Variants in RAB3B observed in about 807,000 individuals in gnomAD.
The protein encoded by RAB3B is RAB3B, member RAS oncogene family.
RAB3B carries 11 observed loss-of-function variants against 20.5 expected under a neutral mutation model. That is an observed-to-expected ratio of 0.54 (90% CI 0.34 to 0.89). The LOEUF (loss-of-function observed/expected upper bound fraction) is 0.89, where lower values mean the gene tolerates loss of function less well. Ranked by LOEUF, RAB3B falls within the 40% of genes least tolerant of loss-of-function variation. RAB3B has a pLI of 0.02. For missense variants in RAB3B, 225 were observed against 280.9 expected, an observed-to-expected ratio of 0.80 and a Z score of 1.42; for synonymous variants, 99 against 106.3, an observed-to-expected ratio of 0.93 and a Z score of 0.42.
At chr1:51,925,064 T>C (rs531270104) in intron 4 of RAB3B, among the ~76,000 whole-genome samples, 3 of 152,308 alleles carry the variant, frequency 2.0e-5, no homozygotes, top group Admixed American at 6.5e-5. Context: ...CACAGACCCA[T>C]AGACTGCATC....
intron 1 of RAB3B, among the ~76,000 whole-genome samples, chr1:51,989,503 C>G (rs563950750): frequency 3.3e-5 from 5 of 152,036 alleles, no homozygotes; most frequent in Admixed American, 3.3e-4. Context: ...CACTCCAGCC[C>G]CCATTACCTT....
intron 4 of RAB3B, among the ~76,000 whole-genome samples, chr1:51,921,589 A>C (rs1684172840): frequency 6.6e-6 from 1 of 151,640 alleles, no homozygotes. Flanking sequence ...CTTTAATCCG[A>C]CTAACAGTAT....
Position 51,918,431 on chromosome 1 carries a change from G to A in RAB3B, c.*1496C>T, listed in dbSNP as rs1489197366. 1.3e-5 allele frequency: 2 copies of A among 152,242 alleles called. No individual in the cohort carries two copies. Among genetic ancestry groups the A allele is most frequent in the African/African-American group, 4.8e-5 (2 of 41,452 alleles). 9.4% of individuals were successfully genotyped at this position (152,242 alleles called of 1,614,324 possible). ...GACCTAGAGAAAAGGCAAGTCCCAG[G>A]AGTCATGATTCCTGTTCTCAAATAG... On this transcript the variant is annotated 3_prime_UTR_variant, in exon 5 of 5. Coordinates refer to ENST00000371655, the MANE Select transcript of RAB3B (RefSeq NM_002867.4).
intron 3 of RAB3B, among the ~76,000 whole-genome samples, chr1:51,936,841 T>C (rs1684411102): frequency 6.6e-6 from 1 of 151,184 alleles, no homozygotes; most frequent in African/African-American, 2.4e-5. Flanking sequence ...TAAGATAGAG[T>C]CTCACTCTGT....
intron 2 of RAB3B, among the ~76,000 whole-genome samples, chr1:51,960,688 C>T (rs1170399505): frequency 3.3e-5 from 5 of 152,180 alleles, no homozygotes; most frequent in Non-Finnish European, 7.3e-5. Context: ...AACTGGACGT[C>T]TTCAGGGGCA....
intron 2 of RAB3B, among the ~76,000 whole-genome samples, chr1:51,944,115 T>C (rs1282641395): frequency 6.6e-6 from 1 of 152,206 alleles, no homozygotes; most frequent in Non-Finnish European, 1.5e-5. Flanking sequence ...CTGGTGACTT[T>C]AATTTGAAGT....
At chr1:51,940,353 T>C (rs1684474082) in intron 2 of RAB3B, among the ~76,000 whole-genome samples, 3 of 152,136 alleles carry the variant, frequency 2.0e-5, no homozygotes, top group African/African-American at 7.2e-5. Context: ...CTGGGCATGG[T>C]GGCTCATGCC....
intron 2 of RAB3B, among the ~76,000 whole-genome samples, chr1:51,950,604 G>GAAA: frequency 6.6e-6 from 1 of 151,658 alleles, no homozygotes; most frequent in South Asian, 2.1e-4. Context: ...CATAGACAAA[G>GAAA]GGAGGCCCAG....
chr1:51,951,803 G>A (rs1684646083), intron 2 of RAB3B, among the ~76,000 whole-genome samples: 1 of 152,144 alleles, frequency 6.6e-6, no homozygotes, highest in Non-Finnish European at 1.5e-5. Flanking sequence ...GACAGAGCAA[G>A]ACAATGTCTC....
rs1443219863 is a variant in RAB3B at position 51,912,598 on chromosome 1, TATAA to T, written c.*7325_*7328del. 0.029 allele frequency: 1,004 copies of T among 34,264 alleles called. 307 individuals are homozygous for T. The highest frequency in any genetic ancestry group is 0.041 in the African/African-American group (365 of 8,942). The allele number at this position is 34,264 out of a possible 1,614,324, so 2.1% of individuals were successfully genotyped here. A position where few individuals can be genotyped will look rare whatever the true frequency, so the allele number is the denominator to read the frequency against. On this transcript the variant is annotated 3_prime_UTR_variant, in exon 5 of 5. Coordinates refer to ENST00000371655, the MANE Select transcript of RAB3B (RefSeq NM_002867.4). ...ATATATATATATATATATATATATA[TATAA>T]AAAATGTTACTCCTGTGAGACAGAA...
At position 51,915,026 on chromosome 1, in the gene RAB3B, T is replaced by C. The variant is rs560517186; in HGVS notation, c.*4901A>G. ...TTAACTCTAAGAATCCTTGGGAGCC[T>C]GGTACTACCAGAGGGTATATCCCAT... On this transcript the variant is annotated 3_prime_UTR_variant, in exon 5 of 5. Transcript: ENST00000371655. 6.6e-6 allele frequency: 1 copy of C among 152,262 alleles called. No homozygotes were observed. The highest frequency in any genetic ancestry group is 2.4e-5 in the African/African-American group (1 of 41,536). The allele number at this position is 152,262 out of a possible 1,614,324, so 9.4% of individuals were successfully genotyped here. A position where few individuals can be genotyped will look rare whatever the true frequency, so the allele number is the denominator to read the frequency against.
At chr1:51,960,498 C>T (rs1444487268) in intron 2 of RAB3B, among the ~76,000 whole-genome samples, 1 of 152,122 alleles carries the variant, frequency 6.6e-6, no homozygotes, top group Non-Finnish European at 1.5e-5. Context: ...TTCCAGCTGT[C>T]GCCTGGCAAC....
At chr1:51,969,336 G>C (rs2124300931) in intron 2 of RAB3B, among the ~76,000 whole-genome samples, 1 of 152,314 alleles carries the variant, frequency 6.6e-6, no homozygotes, top group Admixed American at 6.5e-5. Context: ...GCTGTTGGAG[G>C]AGGGACCCTC....
chr1:51,968,603 T>A (rs72905926), intron 2 of RAB3B, among the ~76,000 whole-genome samples: 70 of 152,320 alleles, frequency 4.6e-4, no homozygotes, highest in African/African-American at 1.6e-3. Flanking sequence ...GTTTCTGGTA[T>A]GATTACCTTT....
At chr1:51,962,439 C>T (rs1186722530) in intron 2 of RAB3B, among the ~76,000 whole-genome samples, 1 of 152,212 alleles carries the variant, frequency 6.6e-6, no homozygotes, top group Non-Finnish European at 1.5e-5. Context: ...CTCTGGGCCT[C>T]TAAATGCAGG....
At chr1:51,940,910 T>C (rs899824682) in intron 2 of RAB3B, among the ~76,000 whole-genome samples, 1 of 152,084 alleles carries the variant, frequency 6.6e-6, no homozygotes, top group Non-Finnish European at 1.5e-5. Context: ...GAGTCATGTA[T>C]TGGCTCTTAA....
At position 51,918,235 on chromosome 1, in the gene RAB3B, AG is replaced by A. The variant is rs1369138297; in HGVS notation, c.*1691del. ...AAAGGGGTTGGGATCGGGATCTCTG[AG>A]TTCAATTTTCTCAATTTTTTCAGAG... On this transcript the variant is annotated 3_prime_UTR_variant, in exon 5 of 5. Coordinates refer to ENST00000371655, the MANE Select transcript of RAB3B (RefSeq NM_002867.4). The A allele has an allele frequency of 2.0e-5, 3 of 152,152 alleles. No homozygotes were observed. Among genetic ancestry groups the A allele is most frequent in the African/African-American group, 7.2e-5 (3 of 41,444 alleles). 9.4% of individuals were successfully genotyped at this position (152,152 alleles called of 1,614,324 possible).
rs964111672 is a variant in RAB3B, at chr1:51,913,354, C to A, written c.*6573G>T. 2.0e-5 allele frequency: 3 copies of A among 152,130 alleles called. No homozygotes were observed. Among genetic ancestry groups the A allele is most frequent in the African/African-American group, 7.2e-5 (3 of 41,414 alleles). 9.4% of individuals were successfully genotyped at this position (152,130 alleles called of 1,614,324 possible). ...ATATCATCGGAGCCATGTTTTAAGACCCCAGGACATCTACCAGACTTAGTT... is the reference window on the plus strand; with the variant it reads ...ATATCATCGGAGCCATGTTTTAAGAACCCAGGACATCTACCAGACTTAGTT... On this transcript the variant is annotated 3_prime_UTR_variant, in exon 5 of 5. Transcript: ENST00000371655.
chr1:51,971,919 G>A (rs772474052), intron 2 of RAB3B, among the ~76,000 whole-genome samples: 6 of 152,124 alleles, frequency 3.9e-5, no homozygotes, highest in Admixed American at 2.0e-4. Flanking sequence ...GGTGGGTCAC[G>A]CCTGTAATCC....
Sources: allele counts gnomAD v4.1 joint callset (sites outside exome capture counted in the v4.1 genomes callset), GRCh38; gene constraint gnomAD v4.1.1; transcripts MANE v1.5; gene names NCBI Gene and HGNC (gene_info 2026-07-23, HGNC 2026-07-21).